PROM2: variants seen among roughly 807,000 people sequenced by gnomAD.
The protein encoded by PROM2 is prominin 2.
A neutral mutation model predicts 110.2 loss-of-function variants in PROM2; 90 were observed. The ratio of observed to expected loss-of-function variants is 0.82; its 90% confidence interval spans 0.69 to 0.97. The LOEUF (loss-of-function observed/expected upper bound fraction) is 0.97. Ranked by LOEUF, PROM2 falls within the 50% of genes least tolerant of loss-of-function variation. PROM2 has a pLI of 0.00. For missense variants in PROM2, 1,009 were observed against 1,074.8 expected (o/e 0.94, Z 0.86); for synonymous variants, 470 against 467.8 (o/e 1.00, Z -0.06).
chr2:95,280,667 C>T (rs566725629), intron 11 of PROM2, among the ~76,000 whole-genome samples: 34 of 152,256 alleles, frequency 2.2e-4, no homozygotes, highest in African/African-American at 6.7e-4. Flanking sequence ...GTTGTTGTGA[C>T]AGGGTCTTGC....
chr2:95,284,836 C>T, intron 14 of PROM2, 133 bp from the exon 15 acceptor site: 1 of 1,054,632 alleles, frequency 9.5e-7, no homozygotes, highest in African/African-American at 1.6e-5. Flanking sequence ...CCGGGGATCA[C>T]ATTGCAACAT....
chr2:95,289,007 G>A lies in PROM2; in HGVS notation c.*10+1G>A. Reference sequence around the variant, plus strand: ...TCCCTGAAGCTGTAGGGCCTTGTGGGTGAGTTTTCCCCAACTCGCTTAATT... The same window carrying A: ...TCCCTGAAGCTGTAGGGCCTTGTGGATGAGTTTTCCCCAACTCGCTTAATT... On this transcript the variant is annotated splice_donor_variant, in intron 23 of 23. Transcript: ENST00000317620. LOFTEE classifies it low-confidence loss of function (3UTR_SPLICE). 4 of 1,610,414 alleles carry A rather than the reference G, an allele frequency of 2.5e-6. No homozygotes were observed. The highest frequency in any genetic ancestry group is 3.4e-6 in the Non-Finnish European group (4 of 1,177,532).
At chr2:95,277,151 G>A in intron 6 of PROM2, 90 bp downstream of exon 6, 1 of 1,259,964 alleles carries the variant, frequency 7.9e-7, no homozygotes, top group Non-Finnish European at 1.1e-6. Flanking sequence ...GATTTCCTGA[G>A]CCACCTCTGC....
rs754535738 is a variant in PROM2, at chr2:95,277,887, C to T, written c.976-43C>T. 3 of 1,549,504 alleles carry T rather than the reference C, an allele frequency of 1.9e-6. No individual in the cohort carries two copies. In the African/African-American group the frequency reaches 4.1e-5, roughly 21 times the overall value. Reference sequence around the variant, plus strand: ...TCCACCCTCAGGGATCCCCTTCAGGCCTCTCCATGAACTTTGTCATAACCC... The same window carrying T: ...TCCACCCTCAGGGATCCCCTTCAGGTCTCTCCATGAACTTTGTCATAACCC... On this transcript the variant is annotated intron_variant, in intron 7 of 23. Coordinates refer to ENST00000317620, the MANE Select transcript of PROM2 (RefSeq NM_001165978.3).
intron 14 of PROM2, 76 bp downstream of exon 14, chr2:95,282,302 C>CAAAA: frequency 7.3e-6 from 9 of 1,239,888 alleles, no homozygotes; most frequent in African/African-American, 1.5e-5. Context: ...TCTGTGGAGG[C>CAAAA]ACCGTCTCTT....
Position 95,279,157 on chromosome 2 carries a change from G to T in PROM2, c.1274+13G>T, listed in dbSNP as rs762027645. 8 of 979,234 alleles carry T rather than the reference G, an allele frequency of 8.2e-6. No individual in the cohort carries two copies. The highest frequency in any genetic ancestry group is 3.9e-5 in the African/African-American group (2 of 51,216). 60.7% of individuals were successfully genotyped at this position (979,234 alleles called of 1,614,324 possible). A position where few individuals can be genotyped will look rare whatever the true frequency, so the allele number is the denominator to read the frequency against. ...ACGAGACCTACAGGTGCTGGGCACCGCAGGGTGGGATGGGGTGGGGTGGGG... is the reference window on the plus strand; with the variant it reads ...ACGAGACCTACAGGTGCTGGGCACCTCAGGGTGGGATGGGGTGGGGTGGGG... On this transcript the variant is annotated intron_variant, in intron 10 of 23. Transcript: ENST00000317620.
chr2:95,276,424 C>T lies in PROM2; in HGVS notation c.618+77C>T, dbSNP rs1281938665. ...GGCAGGACAGAGCCGAGTGGGCCCT[C>T]GATGGCCCATAACCAGCGCATCTGA... On this transcript the variant is annotated intron_variant, in intron 4 of 23. Coordinates refer to ENST00000317620, the MANE Select transcript of PROM2 (RefSeq NM_001165978.3). This position sits in a 1 kb window ranked among gnomAD's most constrained non-coding sequence, Gnocchi z 4.6. 4.4e-6 allele frequency: 7 copies of T among 1,594,474 alleles called. No homozygotes were observed. The highest frequency in any genetic ancestry group is 3.4e-5 in the South Asian group (3 of 88,422).
chr2:95,283,476 C>G (rs757828032), intron 14 of PROM2, among the ~76,000 whole-genome samples: 1 of 152,226 alleles, frequency 6.6e-6, no homozygotes, highest in Non-Finnish European at 1.5e-5. Flanking sequence ...GGGGAGGGCA[C>G]CAGCCACCTT....
At chr2:95,277,601 G>A (rs1168749015) in intron 7 of PROM2, 35 bp downstream of exon 7, 7 of 1,501,636 alleles carry the variant, frequency 4.7e-6, no homozygotes, top group East Asian at 2.3e-5. Context: ...TTAAAGCCAC[G>A]GAGGGCTAGC....
At position 95,282,224 on chromosome 2, in the gene PROM2, C is replaced by G. The variant is rs754639534; in HGVS notation, c.1726C>G (p.Gln576Glu). 1 of 1,612,524 alleles carries G rather than the reference C, an allele frequency of 6.2e-7. No homozygotes were observed. The highest frequency in any genetic ancestry group is 1.1e-5 in the South Asian group (1 of 90,754). ...CCTGGAGGAGCACCTGGATATCAAC[C>G]AGGTGAGAGAACGTTTTGGAAACTG... ...YDLEEHLDIN[Q>E]YTNKLRQELQ... The change falls in exon 14 of 24, where the codon CAG becomes GAG. Residue 576 changes from glutamine to glutamate, a missense_variant and splice_region_variant. Transcript: ENST00000317620.
rs777362957 is a variant in PROM2, at chr2:95,281,266, T to C, written c.1452T>C (p.Phe484=). The change falls in exon 12 of 24, where the codon TTT becomes TTC. Residue 484 remains phenylalanine (F), a synonymous_variant. Transcript: ENST00000317620. ...LMAGVGLSFL[F]AAPLILLVFA... is the part of the protein sequence containing the mutation. The stretch of plus-strand genomic sequence containing the variant: ...GAGGTGTGGGCCTCAGCTTCCTCTT[T>C]GCTGCACCCCTCATCCTCCTGGTGT... The C allele has an allele frequency of 6.2e-7, 1 of 1,613,304 alleles. No individual in the cohort carries two copies. Among genetic ancestry groups the C allele is most frequent in the Non-Finnish European group, 8.5e-7 (1 of 1,179,984 alleles).
In PROM2 at chr2:95,274,658, G is replaced by T; in HGVS notation, c.73G>T (p.Ala25Ser). 1.2e-6 allele frequency: 2 copies of T among 1,610,756 alleles called. No individual in the cohort carries two copies. Among genetic ancestry groups the T allele is most frequent in the Non-Finnish European group, 1.7e-6 (2 of 1,178,008 alleles). The change falls in exon 1 of 24, where the codon GCA (alanine) becomes TCA (serine). Residue 25 changes from alanine to serine, a missense_variant. By Grantham distance (99) the Ala-to-Ser change is moderately conservative. Coordinates refer to ENST00000317620, the MANE Select transcript of PROM2 (RefSeq NM_001165978.3). The part of the protein sequence containing the change: ...GLGLALSQLA[A>S]GATDCKFLGP... ...GGGGCTGGCCCTGAGTCAGCTGGCT[G>T]CAGGGGCCACAGACTGCAAGTTCCT...
Position 95,284,978 on chromosome 2 carries a change from A to G in PROM2, c.1738A>G (p.Lys580Glu). Residue 580 changes from lysine (K) to glutamate (E), a missense_variant, in exon 15 of 24, where the codon AAG becomes GAG. Lys to Glu is a moderately conservative substitution (Grantham distance 56, BLOSUM62 1). Transcript: ENST00000317620. ...EHLDINQYTNKLRQELQSLKV... is the reference protein window; with the variant it reads ...EHLDINQYTNELRQELQSLKV... ...GCGCCTGCTCTCCCAGTATACCAAC[A>G]AGCTACGGCAGGAGTTGCAGAGCCT... The G allele has an allele frequency of 6.2e-7, 1 of 1,610,480 alleles. No homozygotes were observed. The highest frequency in any genetic ancestry group is 8.5e-7 in the Non-Finnish European group (1 of 1,178,230).
Position 95,276,907 on chromosome 2 carries a change from A to C in PROM2, c.683-65A>C. Reference sequence around the variant, plus strand: ...GCCCGGTGGGGCCTGGGGAGGCAGGATGGGAATGGGGAGGGCCCCTCCACT... The same window carrying C: ...GCCCGGTGGGGCCTGGGGAGGCAGGCTGGGAATGGGGAGGGCCCCTCCACT... On this transcript the variant is annotated intron_variant, in intron 5 of 23. Transcript: ENST00000317620. This position sits in a 1 kb window ranked among gnomAD's most constrained non-coding sequence, Gnocchi z 4.6. 1 of 1,494,452 alleles carries C rather than the reference A, an allele frequency of 6.7e-7. No homozygotes were observed. The highest frequency in any genetic ancestry group is 1.7e-4 in the Middle Eastern group (1 of 5,776). The allele number at this position is 1,494,452 out of a possible 1,614,324, so 92.6% of individuals were successfully genotyped here. A position where few individuals can be genotyped will look rare whatever the true frequency, so the allele number is the denominator to read the frequency against.
rs1298699092 is a variant in PROM2 at position 95,279,000 on chromosome 2, T to G, written c.1130T>G (p.Val377Gly). 3.7e-6 allele frequency: 6 copies of G among 1,606,494 alleles called. No homozygotes were observed. The African/African-American group carries it at 6.7e-5, about 18-fold the overall frequency. ...SSVVQELKKA[V>G]AQQPEGVRTL... ...CTTTGGGCAGAGCTGAAGAAGGCAG[T>G]GGCCCAGCAGCCGGAAGGGGTGAGG... Residue 377 changes from valine to glycine, a missense_variant, in exon 10 of 24, where the codon GTG (valine) becomes GGG (glycine). Val to Gly is a moderately radical substitution (Grantham distance 109, BLOSUM62 -3). Coordinates refer to ENST00000317620, the MANE Select transcript of PROM2 (RefSeq NM_001165978.3).
At position 95,276,224 on chromosome 2, in the gene PROM2, C is replaced by T. The variant is rs540329750; in HGVS notation, c.498-3C>T. ...CACCTTCCTCCTCCCTCCATTCCCA[C>T]AGGATTGGTGTGGTCTGTGCCTTTG... On this transcript the variant is annotated splice_region_variant and splice_polypyrimidine_tract_variant and intron_variant, in intron 3 of 23. Transcript: ENST00000317620. This position sits in a 1 kb window ranked among gnomAD's most constrained non-coding sequence, Gnocchi z 4.6. 6.2e-7 allele frequency: 1 copy of T among 1,613,968 alleles called. No homozygotes were observed. Among genetic ancestry groups the T allele is most frequent in the Admixed American group, 1.7e-5 (1 of 60,024 alleles).
Position 95,276,474 on chromosome 2 carries a change from C to A in PROM2, c.619-120C>A. ...AAAGCCGCCTCCTCTCCCGCCCTTG[C>A]CTGAGAGTCGACCACCCTCAGGGTG... On this transcript the variant is annotated intron_variant, in intron 4 of 23. Transcript: ENST00000317620. The surrounding 1 kb of genome is among the most constrained non-coding windows in gnomAD (Gnocchi z 4.6). 1 of 1,594,732 alleles carries A rather than the reference C, an allele frequency of 6.3e-7. No individual in the cohort carries two copies. Among genetic ancestry groups the A allele is most frequent in the Non-Finnish European group, 8.6e-7 (1 of 1,165,860 alleles).
chr2:95,283,913 G>C (rs1259170201), intron 14 of PROM2, among the ~76,000 whole-genome samples: 2 of 152,232 alleles, frequency 1.3e-5, no homozygotes, highest in Non-Finnish European at 2.9e-5. Flanking sequence ...CTCTTGTGGA[G>C]CTGACAGCAT....
At chr2:95,285,854 C>T (rs1393835082) in intron 16 of PROM2, 144 bp downstream of exon 16, 4 of 751,104 alleles carry the variant, frequency 5.3e-6, no homozygotes, top group Non-Finnish European at 8.7e-6. Flanking sequence ...CCTGGCTGGG[C>T]TGGAGGGTTT....
Sources: allele counts gnomAD v4.1 joint callset (sites outside exome capture counted in the v4.1 genomes callset), GRCh38; gene constraint gnomAD v4.1.1; non-coding constraint Gnocchi (gnomAD v3.1); transcripts MANE v1.5; gene names NCBI Gene and HGNC (gene_info 2026-07-23, HGNC 2026-07-21).